Variants in PCDHGA1 observed in about 807,000 individuals in gnomAD.
PCDHGA1 encodes the protein protocadherin gamma-A1.
In PCDHGA1, 32 loss-of-function variants were observed where a neutral mutation model predicts 58.0. The ratio of observed to expected loss-of-function variants is 0.55; its 90% CI spans 0.42 to 0.74. The LOEUF (loss-of-function observed/expected upper bound fraction) is 0.74, where lower values mean the gene tolerates loss of function less well. Among genes scored for constraint, PCDHGA1 ranks in the 30% least tolerant of loss-of-function variants. The pLI, the probability that PCDHGA1 is intolerant of heterozygous loss-of-function variation, is 0.00. For missense variants in PCDHGA1, 1,205 were observed against 1,182.3 expected, an observed-to-expected ratio of 1.02 and a Z score of -0.28; for synonymous variants, 498 against 501.1, an observed-to-expected ratio of 0.99 and a Z score of 0.08.
chr5:141,422,913 G>T, intron 1 of PCDHGA1: 1 of 1,614,248 alleles, frequency 6.2e-7, no homozygotes, highest in Non-Finnish European at 8.5e-7. Context: ...ATGCGCCCGA[G>T]ATCCTGTACC....
intron 1 of PCDHGA1, chr5:141,389,596 C>A: frequency 6.2e-7 from 1 of 1,613,132 alleles, no homozygotes; most frequent in Non-Finnish European, 8.5e-7. Context: ...GACGGCTCTG[C>A]GCTCTTCGAT....
intron 2 of PCDHGA1, among the ~76,000 whole-genome samples, chr5:141,503,994 A>C (rs1330628079): frequency 6.6e-6 from 1 of 152,158 alleles, no homozygotes; most frequent in Non-Finnish European, 1.5e-5. Context: ...CTTACCTTAC[A>C]GTCACTTAAC....
At chr5:141,413,222 G>T in intron 1 of PCDHGA1, 1 of 1,613,796 alleles carries the variant, frequency 6.2e-7, no homozygotes, top group Admixed American at 1.7e-5. Flanking sequence ...GATTGCAGCG[G>T]GCTGGTCCTG....
At chr5:141,406,072 CTTT>C (rs530474569) in intron 1 of PCDHGA1, among the ~76,000 whole-genome samples, 2 of 141,478 alleles carry the variant, frequency 1.4e-5, no homozygotes. Context: ...ATTCTTACTC[CTTT>C]TTTTTTTTTT....
intron 1 of PCDHGA1, chr5:141,398,413 T>G (rs774602022): frequency 1.3e-6 from 2 of 1,490,692 alleles, no homozygotes; most frequent in South Asian, 1.1e-5. Context: ...GGAGGAGATA[T>G]GCGGGAAGAA....
intron 1 of PCDHGA1, among the ~76,000 whole-genome samples, chr5:141,464,442 G>A (rs890758574): frequency 3.3e-5 from 5 of 151,500 alleles, no homozygotes; most frequent in African/African-American, 1.2e-4. Flanking sequence ...TATGTTTGTT[G>A]TTGTTGTTGT....
At position 141,493,223 on chromosome 5, in the gene PCDHGA1, A is replaced by G. The variant is rs2099747083; in HGVS notation, c.2422-1584A>G. Among the ~76,000 whole-genome samples, 1 of 152,142 alleles carries G rather than the reference A, an allele frequency of 6.6e-6. No homozygotes were observed. The highest frequency in any genetic ancestry group is 6.6e-5 in the Admixed American group (1 of 15,262). On this transcript the variant is annotated intron_variant, in intron 1 of 3. Transcript: ENST00000517417. The surrounding 1 kb of genome is among the most constrained non-coding windows in gnomAD (Gnocchi z 4.3). ...CCTCATCTCATTTGCTCTTCCCACC[A>G]TTGCTGTTGGCTAGGTACTAACATG...
intron 1 of PCDHGA1, among the ~76,000 whole-genome samples, chr5:141,474,511 C>T (rs2099350824): frequency 6.6e-6 from 1 of 152,202 alleles, no homozygotes; most frequent in Non-Finnish European, 1.5e-5. Context: ...TATCAGCCCT[C>T]TTGCTGGTCT....
intron 1 of PCDHGA1, among the ~76,000 whole-genome samples, chr5:141,436,328 A>G (rs146180035): frequency 6.6e-6 from 1 of 152,326 alleles, no homozygotes; most frequent in East Asian, 1.9e-4. Flanking sequence ...CTGTTAGACC[A>G]TATCTCAAAT....
intron 1 of PCDHGA1, chr5:141,375,325 G>T: frequency 6.2e-7 from 1 of 1,613,768 alleles, no homozygotes; most frequent in Non-Finnish European, 8.5e-7. Context: ...ACCGGGAAGA[G>T]GTATTCTTGT....
intron 1 of PCDHGA1, chr5:141,478,109 T>G: frequency 1.2e-6 from 2 of 1,614,086 alleles, no homozygotes; most frequent in Non-Finnish European, 8.5e-7. Flanking sequence ...CCTCACTGTG[T>G]CAGTAACCGA....
intron 1 of PCDHGA1, chr5:141,408,907 C>T: frequency 6.2e-7 from 1 of 1,613,244 alleles, no homozygotes; most frequent in East Asian, 2.2e-5. Context: ...TCAAGGATAC[C>T]AATGATAACC....
chr5:141,367,484 C>A (rs1377181139), intron 1 of PCDHGA1: 13 of 152,012 alleles, frequency 8.6e-5, no homozygotes, highest in Admixed American at 8.5e-4. Flanking sequence ...TTGCAGTAAG[C>A]CGAGATCGCG....
chr5:141,478,678 C>T (rs3805695), intron 1 of PCDHGA1: 273,671 of 1,551,084 alleles, frequency 0.18, 26,385 homozygotes, highest in African/African-American at 0.39. Context: ...TTCAACTGGC[C>T]CTTCCTAGAT....
At chr5:141,443,392 T>A (rs151260637) in intron 1 of PCDHGA1, among the ~76,000 whole-genome samples, 1 of 151,662 alleles carries the variant, frequency 6.6e-6, no homozygotes, top group Non-Finnish European at 1.5e-5. Context: ...GGCTGAGGTG[T>A]GAGGATCACC....
Position 141,477,917 on chromosome 5 carries a change from G to C in PCDHGA1, c.2422-16890G>C. 6.2e-7 allele frequency: 1 copy of C among 1,614,186 alleles called. No individual in the cohort carries two copies. The highest frequency in any genetic ancestry group is 2.2e-5 in the East Asian group (1 of 44,868). On this transcript the variant is annotated intron_variant, in intron 1 of 3. Transcript: ENST00000517417. The surrounding 1 kb of genome is among the most constrained non-coding windows in gnomAD (Gnocchi z 4.9). ...GGTGGTAGGCTGGGACGCGGATGCA[G>C]GGCACAATGCCTGGCTCTCCTACAG...
rs145286084 is a variant in PCDHGA1, at chr5:141,369,646, G to A, written c.2421+36541G>A. Among the ~76,000 whole-genome samples, 4 of 152,222 alleles carry A rather than the reference G, an allele frequency of 2.6e-5. No homozygotes were observed. The East Asian group carries it at 7.7e-4, about 29-fold the overall frequency. On this transcript the variant is annotated intron_variant, in intron 1 of 3. Coordinates refer to ENST00000517417, the MANE Select transcript of PCDHGA1 (RefSeq NM_018912.3). ...CATTACCTTTAACTTCTTTTGGGGG[G>A]AGATAATAAAGATAAAAGAGAAGAA...
intron 1 of PCDHGA1, chr5:141,395,239 T>C: frequency 6.3e-7 from 1 of 1,589,970 alleles, no homozygotes; most frequent in Non-Finnish European, 8.6e-7. Flanking sequence ...CATGGTCAGG[T>C]GAGTTTAGTT....
rs561392729 is a variant in PCDHGA1, at chr5:141,475,706, G to T, written c.2422-19101G>T. On this transcript the variant is annotated intron_variant, in intron 1 of 3. Transcript: ENST00000517417. ...GGATTGGAGACTTGCAGAACGGCTA[G>T]CCTCACAGCCCCAAGGCTGGCTTTC... Among the ~76,000 whole-genome samples the T allele has an allele frequency of 7.2e-5, 11 of 152,364 alleles. 1 individual carries two copies. In the South Asian group the frequency reaches 2.3e-3, roughly 32 times the overall value.
Sources: allele counts gnomAD v4.1 joint callset (sites outside exome capture counted in the v4.1 genomes callset), GRCh38; gene constraint gnomAD v4.1.1; non-coding constraint Gnocchi (gnomAD v3.1); transcripts MANE v1.5; gene names NCBI Gene and HGNC (gene_info 2026-07-23, HGNC 2026-07-21).